PTPRD: variants seen among roughly 807,000 people sequenced by gnomAD.
The protein encoded by PTPRD is receptor-type tyrosine-protein phosphatase delta.
PTPRD carries 34 observed loss-of-function variants against 214.5 expected under a neutral mutation model. The observed-to-expected ratio is 0.16, with a 90% CI of 0.12 to 0.21. The LOEUF is 0.21. Ranked by LOEUF, PTPRD falls within the 10% of genes least tolerant of loss-of-function variation. The pLI is 1.00. For synonymous variants in PTPRD, 1,128 were observed against 845.7 expected (o/e 1.33, Z -5.79); for missense variants, 2,545 against 2,398.7 (o/e 1.06, Z -1.27).
At chr9:9,687,086 A>G (rs2097178993) in intron 7 of PTPRD, among the ~76,000 whole-genome samples, 1 of 151,822 alleles carries the variant, frequency 6.6e-6, no homozygotes, top group Non-Finnish European at 1.5e-5. Context: ...TTCAGTAAGT[A>G]TATAATAAAT....
chr9:8,413,863 T>C (rs770212747), intron 35 of PTPRD, among the ~76,000 whole-genome samples: 1 of 152,134 alleles, frequency 6.6e-6, no homozygotes, highest in Non-Finnish European at 1.5e-5. Context: ...TTTAAATGTA[T>C]ATTAGTTTTA....
chr9:9,424,053 A>G (rs574731293), intron 8 of PTPRD, among the ~76,000 whole-genome samples: 1 of 152,292 alleles, frequency 6.6e-6, no homozygotes, highest in South Asian at 2.1e-4. Flanking sequence ...CCAAAGATAT[A>G]TATTTTGCTC....
At position 9,432,231 on chromosome 9, in the gene PTPRD, G is replaced by C. The variant is rs538467828; in HGVS notation, c.-236-34749C>G. ...ATGGGATTGAACATCTGGCAATCTA[G>C]TATTAAAAGTGGGGAGACTTCCAGA... On this transcript the variant is annotated intron_variant, in intron 8 of 45. Transcript: ENST00000381196. Among the ~76,000 whole-genome samples, 127 of 152,126 alleles carry C rather than the reference G, an allele frequency of 8.3e-4. No individual in the cohort carries two copies. The Middle Eastern group carries it at 0.017, about 20-fold the overall frequency.
At chr9:9,781,451 A>G (rs1478756004) in intron 5 of PTPRD, among the ~76,000 whole-genome samples, 1 of 152,216 alleles carries the variant, frequency 6.6e-6, no homozygotes, top group Non-Finnish European at 1.5e-5. Context: ...CAACGGTGAC[A>G]TTGGAAGAAG....
chr9:10,010,786 A>T (rs2096582168), intron 4 of PTPRD, among the ~76,000 whole-genome samples: 1 of 152,012 alleles, frequency 6.6e-6, no homozygotes, highest in South Asian at 2.1e-4. Flanking sequence ...GAATGCTATG[A>T]AACTTCTGTG....
At chr9:10,130,302 T>C (rs531413977) in intron 3 of PTPRD, among the ~76,000 whole-genome samples, 1 of 152,150 alleles carries the variant, frequency 6.6e-6, no homozygotes, top group African/African-American at 2.4e-5. Flanking sequence ...TTTTCAAAGA[T>C]ATTCTATGTG....
At chr9:10,561,371 T>A (rs1366555172) in intron 2 of PTPRD, among the ~76,000 whole-genome samples, 1 of 152,134 alleles carries the variant, frequency 6.6e-6, no homozygotes, top group African/African-American at 2.4e-5. Context: ...AGTCTCAGAT[T>A]CCCTTTAGTA....
intron 11 of PTPRD, among the ~76,000 whole-genome samples, chr9:8,882,913 A>C (rs558452995): frequency 1.3e-4 from 19 of 143,584 alleles, no homozygotes; most frequent in Non-Finnish European, 2.6e-4. Flanking sequence ...TTAGAGCATG[A>C]CTTCTGAAGT....
chr9:10,001,024 A>G (rs1439127167), intron 4 of PTPRD, among the ~76,000 whole-genome samples: 1 of 152,194 alleles, frequency 6.6e-6, no homozygotes, highest in East Asian at 1.9e-4. Flanking sequence ...AGCAGCACAC[A>G]GGGTTTCTCT....
intron 10 of PTPRD, among the ~76,000 whole-genome samples, chr9:9,139,545 G>A (rs867006348): frequency 6.6e-5 from 10 of 152,188 alleles, no homozygotes; most frequent in South Asian, 2.1e-4. Flanking sequence ...GTGATACCGC[G>A]ACAGTCGAGG....
rs114385693 is a variant in PTPRD at position 9,235,458 on chromosome 9, G to A, written c.-202-52095C>T. On this transcript the variant is annotated intron_variant, in intron 9 of 45. Coordinates refer to ENST00000381196, the MANE Select transcript of PTPRD (RefSeq NM_002839.4). ...ACTCTTCATGGAATGTAAGCATAAA[G>A]TGGACAGTTTTTCTTTGTGTCTTTC... Among the ~76,000 whole-genome samples, 1,124 of 152,286 alleles carry A rather than the reference G, an allele frequency of 7.4e-3. 10 individuals are homozygous for A. The highest frequency in any genetic ancestry group is 0.026 in the African/African-American group (1,093 of 41,558).
intron 18 of PTPRD, 62 bp from the exon 19 acceptor site, chr9:8,523,586 G>C: frequency 6.3e-7 from 1 of 1,585,620 alleles, no homozygotes; most frequent in Non-Finnish European, 8.6e-7. Flanking sequence ...AAAAACAAGG[G>C]AAACACAGAG....
At chr9:8,323,579 T>C (rs1195937786) in intron 44 of PTPRD, among the ~76,000 whole-genome samples, 2 of 151,316 alleles carry the variant, frequency 1.3e-5, no homozygotes, top group South Asian at 2.1e-4. Context: ...AAGACTTCAG[T>C]AGAGGAAGAA....
intron 6 of PTPRD, among the ~76,000 whole-genome samples, chr9:9,735,592 G>C (rs2098278555): frequency 1.3e-5 from 2 of 152,004 alleles, no homozygotes; most frequent in South Asian, 2.1e-4. Context: ...ACCACTAATT[G>C]GTAACAAATC....
chr9:10,068,012 T>G (rs1255842720), intron 3 of PTPRD, among the ~76,000 whole-genome samples: 1 of 151,948 alleles, frequency 6.6e-6, no homozygotes, highest in African/African-American at 2.4e-5. Flanking sequence ...ATTTAAACTT[T>G]TCCTTCTATA....
chr9:9,124,244 C>T (rs1303243205), intron 10 of PTPRD, among the ~76,000 whole-genome samples: 1 of 152,044 alleles, frequency 6.6e-6, no homozygotes, highest in African/African-American at 2.4e-5. Flanking sequence ...TGGATAGTAA[C>T]AAATACTGGA....
At chr9:8,566,284 C>A (rs774131722) in intron 14 of PTPRD, among the ~76,000 whole-genome samples, 11 of 152,076 alleles carry the variant, frequency 7.2e-5, no homozygotes, top group Non-Finnish European at 1.5e-4. Flanking sequence ...AAGAAGAAAG[C>A]CACCCAAAGA....
At chr9:10,184,234 G>C (rs2099317404) in intron 3 of PTPRD, among the ~76,000 whole-genome samples, 1 of 152,024 alleles carries the variant, frequency 6.6e-6, no homozygotes, top group Non-Finnish European at 1.5e-5. Flanking sequence ...AGACCAGCCT[G>C]GCCAACATGG....
Position 8,621,387 on chromosome 9 carries a change from T to A in PTPRD, c.352+11930A>T, listed in dbSNP as rs571113184. 3.2e-3 allele frequency among the ~76,000 whole-genome samples: 481 copies of A among 152,116 alleles called. 3 individuals are homozygous for A. The highest frequency in any genetic ancestry group is 0.011 in the African/African-American group (458 of 41,546). ...TTATGCGGTAAAGTAATTTTAATTT[T>A]TAAAAAAAATTTGTTTGTTTTTAAA... is the stretch of plus-strand genomic sequence containing the variant. On this transcript the variant is annotated intron_variant, in intron 14 of 45. Coordinates refer to ENST00000381196, the MANE Select transcript of PTPRD (RefSeq NM_002839.4).
Sources: allele counts gnomAD v4.1 joint callset (sites outside exome capture counted in the v4.1 genomes callset), GRCh38; gene constraint gnomAD v4.1.1; transcripts MANE v1.5; gene names NCBI Gene and HGNC (gene_info 2026-07-23, HGNC 2026-07-21).